The following PRKD3 variants were observed in gnomAD, a reference collection of about 807,000 sequenced individuals.
The protein encoded by PRKD3 is serine/threonine-protein kinase D3.
Under a neutral mutation model 99.2 loss-of-function variants are expected in PRKD3, and 47 were observed. The ratio of observed to expected loss-of-function variants is 0.47; its 90% CI spans 0.38 to 0.60. The LOEUF is 0.60. PRKD3 is among the 20% of genes least tolerant of loss of function. The pLI is 0.00. For missense variants in PRKD3, 1,019 were observed against 1,088.4 expected (o/e 0.94, Z 0.90); for synonymous variants, 392 against 355.4 (o/e 1.10, Z -1.16).
intron 1 of PRKD3, among the ~76,000 whole-genome samples, chr2:37,323,987 T>G (rs115475894): frequency 0.017 from 2,532 of 152,330 alleles, 69 homozygotes; most frequent in African/African-American, 0.058. Context: ...TGCCTCTGAC[T>G]GCGTTCACCT....
chr2:37,279,711 A>G (rs1236339651), intron 8 of PRKD3, 35 bp downstream of exon 8: 2 of 1,536,786 alleles, frequency 1.3e-6, no homozygotes, highest in Non-Finnish European at 1.8e-6. Flanking sequence ...CTGACCTTGC[A>G]TCTGGAAGTA....
At position 37,293,265 on chromosome 2, in the gene PRKD3, C is replaced by T; in HGVS notation, c.295G>A (p.Glu99Lys). ...VCSIVYQKFP[E>K]CGFFGMYDKI... ...TCATACATGCCAAAGAATCCACACT[C>T]TGGAAACTGAGGGATAATAGTCCTA... Residue 99 changes from glutamate (E) to lysine (K), a missense_variant, in exon 3 of 19, where the codon GAG becomes AAG. This residue lies in a region of PRKD3 where 710 missense variants were observed against 692.7 expected (regional missense o/e 1.02). Transcript: ENST00000234179. The T allele has an allele frequency of 1.3e-6, 2 of 1,591,572 alleles. No individual in the cohort carries two copies. The highest frequency in any genetic ancestry group is 1.7e-6 in the Non-Finnish European group (2 of 1,162,266).
chr2:37,257,240 G>C (rs896887077), intron 16 of PRKD3, among the ~76,000 whole-genome samples: 1 of 152,124 alleles, frequency 6.6e-6, no homozygotes, highest in Non-Finnish European at 1.5e-5. Flanking sequence ...AGAGTATGCT[G>C]CTTTCTATCA....
intron 2 of PRKD3, among the ~76,000 whole-genome samples, chr2:37,312,427 G>C (rs1046556299): frequency 1.3e-5 from 2 of 152,200 alleles, no homozygotes; most frequent in African/African-American, 4.8e-5. Context: ...GCACAGCTCA[G>C]AGGCAAACAC....
chr2:37,261,893 G>A (rs1668489373), intron 14 of PRKD3, among the ~76,000 whole-genome samples: 1 of 152,154 alleles, frequency 6.6e-6, no homozygotes, highest in Non-Finnish European at 1.5e-5. Context: ...AACGTATTTT[G>A]AATACCTGCA....
At chr2:37,280,675 G>A (rs751234037) in intron 7 of PRKD3, among the ~76,000 whole-genome samples, 4 of 152,136 alleles carry the variant, frequency 2.6e-5, no homozygotes, top group Admixed American at 1.3e-4. Context: ...GAGAAAGCAT[G>A]AGAGTAGATT....
chr2:37,286,021 C>T (rs1670078092), intron 6 of PRKD3, among the ~76,000 whole-genome samples, 156 bp downstream of exon 6: 1 of 152,170 alleles, frequency 6.6e-6, no homozygotes, highest in African/African-American at 2.4e-5. Context: ...GTAGTTTACA[C>T]ACACATTTAT....
chr2:37,315,683 A>G lies in PRKD3; in HGVS notation c.288+554T>C, dbSNP rs189296887. Among the ~76,000 whole-genome samples, 9 of 152,294 alleles carry G rather than the reference A, an allele frequency of 5.9e-5. No individual in the cohort carries two copies. The East Asian group carries it at 1.5e-3, about 26-fold the overall frequency. On this transcript the variant is annotated intron_variant, in intron 2 of 18. Coordinates refer to ENST00000234179, the MANE Select transcript of PRKD3 (RefSeq NM_005813.6). Reference sequence around the variant, plus strand: ...CAGATTTTCCTGCTCTTGAGAGACAAACAGAAGAGTGATACTTTAAAGCTA... The same window carrying G: ...CAGATTTTCCTGCTCTTGAGAGACAGACAGAAGAGTGATACTTTAAAGCTA...
chr2:37,253,528 T>A, intron 18 of PRKD3, 178 bp from the exon 19 acceptor site: 1 of 492,824 alleles, frequency 2.0e-6, no homozygotes, highest in Non-Finnish European at 3.4e-6. Context: ...ATGAGCAATT[T>A]AAAGAAATTT....
chr2:37,279,082 C>A (rs1341850501), intron 8 of PRKD3: 1 of 152,090 alleles, frequency 6.6e-6, no homozygotes, highest in African/African-American at 2.4e-5. Flanking sequence ...GACAACTCAG[C>A]CACCTGAGAC....
intron 2 of PRKD3, among the ~76,000 whole-genome samples, chr2:37,309,846 C>CAAAAA (rs33959650): frequency 1.0e-5 from 1 of 98,420 alleles, no homozygotes. Context: ...GACTCCGTCT[C>CAAAAA]AAAAAAAAAA....
At chr2:37,306,599 G>C (rs780690578) in intron 2 of PRKD3, among the ~76,000 whole-genome samples, 1 of 152,106 alleles carries the variant, frequency 6.6e-6, no homozygotes, top group African/African-American at 2.4e-5. Context: ...GCTTGAGCCC[G>C]AGAGTTCAAG....
chr2:37,270,720 G>T (rs921548415), intron 12 of PRKD3, among the ~76,000 whole-genome samples: 2 of 152,108 alleles, frequency 1.3e-5, no homozygotes, highest in East Asian at 1.9e-4. Flanking sequence ...AAAATTTTAA[G>T]GTTTGTAAGA....
intron 14 of PRKD3, among the ~76,000 whole-genome samples, chr2:37,261,121 C>T (rs530111922): frequency 6.6e-6 from 1 of 152,326 alleles, no homozygotes; most frequent in Admixed American, 6.5e-5. Flanking sequence ...AACCTGGTTT[C>T]AGTCTTCCAA....
chr2:37,317,907 TAAGA>T (rs1170522923), intron 1 of PRKD3: 2 of 150,722 alleles, frequency 1.3e-5, no homozygotes, highest in Non-Finnish European at 3.0e-5. Flanking sequence ...TTTCTAACAG[TAAGA>T]AAGAGAACAG....
intron 14 of PRKD3, among the ~76,000 whole-genome samples, chr2:37,262,355 T>C (rs965516448): frequency 2.0e-5 from 3 of 152,230 alleles, no homozygotes; most frequent in Admixed American, 2.0e-4. Flanking sequence ...ATAAACTCTC[T>C]GAGGCACAGA....
At chr2:37,308,776 G>T (rs1323511467) in intron 2 of PRKD3, among the ~76,000 whole-genome samples, 1 of 151,886 alleles carries the variant, frequency 6.6e-6, no homozygotes. Flanking sequence ...TTAAGTGAAG[G>T]TCTATGTTAA....
intron 13 of PRKD3, 113 bp downstream of exon 13, chr2:37,269,502 T>A: frequency 4.3e-5 from 36 of 838,594 alleles, no homozygotes; most frequent in South Asian, 8.8e-5. Context: ...AGTCAGCCTT[T>A]AAAAAAAAGG....
intron 6 of PRKD3, 35 bp downstream of exon 6, chr2:37,286,142 C>A: frequency 6.7e-7 from 1 of 1,491,764 alleles, no homozygotes; most frequent in South Asian, 1.3e-5. Context: ...CAAAAACAGA[C>A]ATAAATTTTA....
Sources: gnomAD v4.1 joint callset for allele counts (sites outside exome capture counted in the v4.1 genomes callset) on GRCh38, gnomAD v4.1.1 for gene constraint, gnomAD v4.1.1 regional missense constraint, MANE v1.5 for transcripts, NCBI Gene and HGNC (gene_info 2026-07-23, HGNC 2026-07-21) for gene names.